The following AFAP1L2 variants were observed in gnomAD, a reference collection of about 807,000 sequenced individuals.
AFAP1L2 encodes the protein actin filament-associated protein 1-like 2.
AFAP1L2 carries 46 observed loss-of-function variants against 99.3 expected under a neutral mutation model. The ratio of observed to expected loss-of-function variants is 0.46; its 90% CI spans 0.37 to 0.59. AFAP1L2 has a LOEUF of 0.59. AFAP1L2 is among the 20% of genes least tolerant of loss of function. AFAP1L2 has a pLI of 0.00. For missense variants in AFAP1L2, 959 were observed against 1,034.9 expected, an observed-to-expected ratio of 0.93 and a Z score of 1.01; for synonymous variants, 397 against 419.1, an observed-to-expected ratio of 0.95 and a Z score of 0.64.
chr10:114,360,513 A>ATAGATAGATAGT lies in AFAP1L2; in HGVS notation c.17-19783_17-19782insACTATCTATCTA, dbSNP rs1554937693. ...GATAGATAGATAGATAGATAGTTAG[A>ATAGATAGATAGT]TAGATAGATAGATAGATAGATAGAT... On this transcript the variant is annotated intron_variant, in intron 1 of 18. Transcript: ENST00000304129. 7.2e-3 allele frequency among the ~76,000 whole-genome samples: 568 copies of ATAGATAGATAGT among 79,212 alleles called. 2 individuals are homozygous for ATAGATAGATAGT. The highest frequency in any genetic ancestry group is 0.02 in the African/African-American group (455 of 22,784). 52.0% of individuals were successfully genotyped at this position (79,212 alleles called of 152,430 possible).
the AFAP1L2 span, chr10:114,282,616 G>A: frequency 5.1e-6 from 8 of 1,563,536 alleles, no homozygotes; most frequent in East Asian, 1.6e-4. Flanking sequence ...AGGGCCCTGG[G>A]CCCAGGCTGC....
intron 1 of AFAP1L2, among the ~76,000 whole-genome samples, chr10:114,346,560 G>A (rs1217167424): frequency 2.6e-5 from 4 of 152,156 alleles, no homozygotes; most frequent in Non-Finnish European, 5.9e-5. Context: ...GGAGGGGTGG[G>A]CATCCCTTAG....
At chr10:114,341,883 A>T (rs1206244106) in intron 1 of AFAP1L2, among the ~76,000 whole-genome samples, 1 of 152,176 alleles carries the variant, frequency 6.6e-6, no homozygotes, top group Non-Finnish European at 1.5e-5. Flanking sequence ...CTCAGAAGAA[A>T]GAATTTGAGA....
chr10:114,342,429 C>A (rs2048950986), intron 1 of AFAP1L2, among the ~76,000 whole-genome samples: 1 of 152,206 alleles, frequency 6.6e-6, no homozygotes, highest in African/African-American at 2.4e-5. Context: ...AAATATTGGG[C>A]CCCTAATGAT....
intron 1 of AFAP1L2, among the ~76,000 whole-genome samples, chr10:114,376,715 T>A (rs1046158961): frequency 6.6e-6 from 1 of 152,228 alleles, no homozygotes; most frequent in Admixed American, 6.5e-5. Context: ...ACCCTGATAA[T>A]GCAGTTGCTG....
Position 114,304,799 on chromosome 10 carries a change from C to G in AFAP1L2, c.1204G>C (p.Glu402Gln), listed in dbSNP as rs369181901. ...TCGGGGCTGGGGTCTGGGACCACCT[C>G]GCAGCCCACCAGGCTGAGGGGTTGC... is the stretch of plus-strand genomic sequence containing the variant. ...AQQPLSLVGC[E>Q]VVPDPSPDHL... The change falls in exon 11 of 19, where the codon GAG (glutamate) becomes CAG (glutamine). Residue 402 changes from glutamate (E) to glutamine (Q), a missense_variant. This residue lies in a region of AFAP1L2 where 576 missense variants were observed against 562.1 expected (regional missense o/e 1.02). Transcript: ENST00000304129. 6.2e-7 allele frequency: 1 copy of G among 1,613,178 alleles called. No individual in the cohort carries two copies. The highest frequency in any genetic ancestry group is 2.2e-5 in the East Asian group (1 of 44,866).
At chr10:114,383,775 C>T (rs1473362431) in intron 1 of AFAP1L2, among the ~76,000 whole-genome samples, 2 of 152,312 alleles carry the variant, frequency 1.3e-5, no homozygotes, top group South Asian at 2.1e-4. Flanking sequence ...CTGACCCTTT[C>T]TCTTTGCCCT....
intron 2 of AFAP1L2, among the ~76,000 whole-genome samples, chr10:114,337,637 G>T (rs1045334198): frequency 1.2e-4 from 18 of 152,124 alleles, no homozygotes; most frequent in African/African-American, 4.3e-4. Flanking sequence ...CCGATCAAGG[G>T]CAGAACAAAA....
chr10:114,370,765 G>C (rs986760463), intron 1 of AFAP1L2, among the ~76,000 whole-genome samples: 1 of 152,182 alleles, frequency 6.6e-6, no homozygotes, highest in Non-Finnish European at 1.5e-5. Flanking sequence ...ATTCTGCGGA[G>C]GGGACCTGTG....
At chr10:114,340,402 T>A (rs2048642939) in intron 2 of AFAP1L2, among the ~76,000 whole-genome samples, 1 of 151,992 alleles carries the variant, frequency 6.6e-6, no homozygotes, top group African/African-American at 2.4e-5. Flanking sequence ...AAGACAGCCA[T>A]CAGCCCGCCA....
chr10:114,289,143 T>G, the AFAP1L2 span: 1 of 1,613,878 alleles, frequency 6.2e-7, no homozygotes, highest in Non-Finnish European at 8.5e-7. Context: ...CCACCCGGGC[T>G]GCGATGCTGC....
At chr10:114,325,207 A>G (rs1374716211) in intron 4 of AFAP1L2, among the ~76,000 whole-genome samples, 1 of 152,212 alleles carries the variant, frequency 6.6e-6, no homozygotes, top group Non-Finnish European at 1.5e-5. Context: ...GGTTGTTTTG[A>G]AAATTCAATG....
At chr10:114,300,736 C>T in intron 13 of AFAP1L2, 46 bp from the exon 14 acceptor site, 2 of 1,540,412 alleles carry the variant, frequency 1.3e-6, no homozygotes. Flanking sequence ...ACCTCTACTC[C>T]CTCAGCTGTG....
At chr10:114,367,538 G>T (rs769961508) in intron 1 of AFAP1L2, among the ~76,000 whole-genome samples, 9 of 152,214 alleles carry the variant, frequency 5.9e-5, no homozygotes, top group Non-Finnish European at 1.3e-4. Flanking sequence ...AGGGTTGTTT[G>T]CAGAGCAGCA....
At position 114,327,289 on chromosome 10, in the gene AFAP1L2, C is replaced by T. The variant is rs542449154; in HGVS notation, c.316-4028G>A. 6.0e-5 allele frequency among the ~76,000 whole-genome samples: 9 copies of T among 149,492 alleles called. No homozygotes were observed. In the South Asian group the frequency reaches 1.5e-3, roughly 25 times the overall value. On this transcript the variant is annotated intron_variant, in intron 4 of 18. Coordinates refer to ENST00000304129, the MANE Select transcript of AFAP1L2 (RefSeq NM_001001936.3). ...AAGTGATTCTCCTGCCTCAGCCTCC[C>T]GAGTAGCTGCGTACCACCACGCTTG... is the stretch of plus-strand genomic sequence containing the variant.
chr10:114,286,204 G>GA, the AFAP1L2 span: 1 of 1,613,996 alleles, frequency 6.2e-7, no homozygotes, highest in East Asian at 2.2e-5. Flanking sequence ...GCCCCACCCT[G>GA]ACGGGCAGTG....
chr10:114,315,948 C>T (rs772555535), intron 5 of AFAP1L2, among the ~76,000 whole-genome samples, 183 bp from the exon 6 acceptor site: 1 of 152,246 alleles, frequency 6.6e-6, no homozygotes, highest in Non-Finnish European at 1.5e-5. Context: ...TGCCCCCAAA[C>T]CCCTCAGCAA....
intron 4 of AFAP1L2, 96 bp from the exon 5 acceptor site, chr10:114,323,357 T>A: frequency 9.2e-7 from 1 of 1,083,046 alleles, no homozygotes; most frequent in Non-Finnish European, 1.4e-6. Context: ...AAGACAAAAA[T>A]GCCCAGCTGG....
At position 114,327,147 on chromosome 10, in the gene AFAP1L2, T is replaced by TTATATTTATATATA. The variant is rs1554902751; in HGVS notation, c.316-3887_316-3886insTATATATAAATATA. On this transcript the variant is annotated intron_variant, in intron 4 of 18. Transcript: ENST00000304129. The stretch of plus-strand genomic sequence containing the variant: ...TGAAGACCGTGAATTTTATATATAT[T>TTATATTTATATATA]TATATATATATATATATATATATAT... Among the ~76,000 whole-genome samples the TTATATTTATATATA allele has an allele frequency of 2.0e-3, 109 of 54,558 alleles. 5 individuals are homozygous for TTATATTTATATATA. The highest frequency in any genetic ancestry group is 3.8e-3 in the Non-Finnish European group (79 of 20,542). 35.8% of individuals were successfully genotyped at this position (54,558 alleles called of 152,430 possible).
Sources: allele counts gnomAD v4.1 joint callset (sites outside exome capture counted in the v4.1 genomes callset), GRCh38; gene constraint gnomAD v4.1.1; regional missense constraint gnomAD v4.1.1; transcripts MANE v1.5; gene names NCBI Gene and HGNC (gene_info 2026-07-23, HGNC 2026-07-21).